The following FAM81A variants were observed in gnomAD, a reference collection of about 807,000 sequenced individuals.
FAM81A encodes the protein family with sequence similarity 81 member A, also known as protein FAM81A.
In FAM81A, 19 loss-of-function variants were observed where a neutral mutation model predicts 46.7. The observed-to-expected ratio is 0.41, with a 90% CI of 0.28 to 0.60. FAM81A has a LOEUF of 0.60. Among genes scored for constraint, FAM81A ranks in the 20% least tolerant of loss-of-function variants. FAM81A has a pLI of 0.34. For synonymous variants in FAM81A, 183 were observed against 152.9 expected (o/e 1.20, Z -1.45); for missense variants, 377 against 453.5 (o/e 0.83, Z 1.53).
At chr15:59,430,209 T>C (rs1245613057) in intron 2 of FAM81A, among the ~76,000 whole-genome samples, 3 of 150,958 alleles carry the variant, frequency 2.0e-5, no homozygotes, top group African/African-American at 7.3e-5. Flanking sequence ...GACAGTGATG[T>C]CACTTCCACC....
upstream of FAM81A, among the ~76,000 whole-genome samples, chr15:59,438,003 T>C (rs890543752): frequency 4.0e-5 from 6 of 150,570 alleles, 1 homozygote; most frequent in South Asian, 6.3e-4. Flanking sequence ...TGGGCGCGGG[T>C]GCGCGGGGAA....
chr15:59,401,431 G>A, intron 1 of FAM81A: 2 of 802,964 alleles, frequency 2.5e-6, no homozygotes, highest in South Asian at 1.3e-5. Flanking sequence ...GGCAAAAGGT[G>A]ACTTTCAGTT....
At chr15:59,503,017 G>T (rs1442223619) in intron 4 of FAM81A, among the ~76,000 whole-genome samples, 1 of 151,884 alleles carries the variant, frequency 6.6e-6, no homozygotes, top group Non-Finnish European at 1.5e-5. Context: ...GAGGTGGGTG[G>T]ATTACCTGAG....
intron 3 of FAM81A, among the ~76,000 whole-genome samples, chr15:59,489,545 A>C (rs1392023743): frequency 6.6e-6 from 1 of 152,094 alleles, no homozygotes; most frequent in African/African-American, 2.4e-5. Context: ...TCACAGAAAT[A>C]GAAAAAAAAA....
intron 4 of FAM81A, among the ~76,000 whole-genome samples, chr15:59,496,230 T>G (rs1254562448): frequency 6.6e-6 from 1 of 152,220 alleles, no homozygotes; most frequent in Non-Finnish European, 1.5e-5. Context: ...ATTATTTTCC[T>G]TGTAGATATC....
At chr15:59,427,742 C>CT (rs2081201467) in intron 2 of FAM81A, among the ~76,000 whole-genome samples, 1 of 152,128 alleles carries the variant, frequency 6.6e-6, no homozygotes, top group Non-Finnish European at 1.5e-5. Context: ...GGATCTCATT[C>CT]TTTTTTATGG....
At chr15:59,473,423 A>C (rs1313392098) in intron 3 of FAM81A, among the ~76,000 whole-genome samples, 1 of 152,170 alleles carries the variant, frequency 6.6e-6, no homozygotes, top group Admixed American at 6.5e-5. Flanking sequence ...AACATAGTAT[A>C]TGTAGGGTTT....
At chr15:59,503,858 C>CCACT (rs1242297618) in intron 4 of FAM81A, among the ~76,000 whole-genome samples, 1 of 152,182 alleles carries the variant, frequency 6.6e-6, no homozygotes, top group Non-Finnish European at 1.5e-5. Context: ...CAGGTGTGAG[C>CCACT]CACTGTGCCC....
intron 4 of FAM81A, among the ~76,000 whole-genome samples, chr15:59,506,154 G>GTTTGT (rs1555433999): frequency 9.2e-5 from 14 of 151,988 alleles, no homozygotes; most frequent in East Asian, 1.9e-4. Context: ...TTTTTTGTTT[G>GTTTGT]TTTGTTTTGT....
chr15:59,501,883 T>C (rs1225638984), intron 4 of FAM81A, among the ~76,000 whole-genome samples: 1 of 152,214 alleles, frequency 6.6e-6, no homozygotes, highest in East Asian at 1.9e-4. Context: ...TTGAGCCATA[T>C]GCGCAGTTAT....
At chr15:59,416,636 A>T (rs1459418436) in intron 2 of FAM81A, among the ~76,000 whole-genome samples, 10 of 152,080 alleles carry the variant, frequency 6.6e-5, no homozygotes, top group Admixed American at 5.2e-4. Flanking sequence ...TTTACTGCTA[A>T]CATCTTGCCG....
intron 1 of FAM81A, among the ~76,000 whole-genome samples, chr15:59,452,134 C>T (rs557966866): frequency 6.6e-5 from 10 of 152,190 alleles, no homozygotes; most frequent in Non-Finnish European, 1.5e-4. Flanking sequence ...CTTCAGATTT[C>T]GTTGTCAAAG....
chr15:59,469,950 G>T (rs2141674408), intron 3 of FAM81A, among the ~76,000 whole-genome samples: 1 of 152,190 alleles, frequency 6.6e-6, no homozygotes. Context: ...GTCTGTAAAG[G>T]ATTTTATTTC....
At position 59,513,062 on chromosome 15, in the gene FAM81A, C is replaced by T. The variant is rs148238284; in HGVS notation, c.651-1227C>T. ...GTGTTCATGTTATCACTATTTAAGT[C>T]ACATGTCTACATCACATACATTCTT... On this transcript the variant is annotated intron_variant, in intron 6 of 8. Coordinates refer to ENST00000288228, the MANE Select transcript of FAM81A (RefSeq NM_152450.3). Among the ~76,000 whole-genome samples, 1,216 of 152,230 alleles carry T rather than the reference C, an allele frequency of 8.0e-3. 15 individuals are homozygous for T. The highest frequency in any genetic ancestry group is 0.027 in the African/African-American group (1,128 of 41,516).
intron 7 of FAM81A, among the ~76,000 whole-genome samples, chr15:59,516,302 G>A (rs1266823985): frequency 6.6e-6 from 1 of 151,902 alleles, no homozygotes; most frequent in Non-Finnish European, 1.5e-5. Flanking sequence ...GCTAATTTTT[G>A]TATTTTTAAT....
chr15:59,517,284 A>G (rs2082277655), intron 8 of FAM81A, among the ~76,000 whole-genome samples: 1 of 152,194 alleles, frequency 6.6e-6, no homozygotes. Flanking sequence ...ACTTGCTTAG[A>G]GGAGAACATT....
chr15:59,515,695 A>G (rs868439714), intron 7 of FAM81A, among the ~76,000 whole-genome samples: 1 of 152,344 alleles, frequency 6.6e-6, no homozygotes, highest in Middle Eastern at 3.4e-3. Flanking sequence ...CCATATTTCC[A>G]TCACATCTAC....
chr15:59,482,627 G>A (rs1296066837), intron 3 of FAM81A, among the ~76,000 whole-genome samples: 2 of 152,194 alleles, frequency 1.3e-5, no homozygotes, highest in Non-Finnish European at 2.9e-5. Context: ...TTGGTTTTCT[G>A]GAGATGGGGT....
intron 2 of FAM81A, among the ~76,000 whole-genome samples, chr15:59,426,282 T>G (rs2081194012): frequency 6.6e-6 from 1 of 151,710 alleles, no homozygotes; most frequent in South Asian, 2.1e-4. Flanking sequence ...TTCTCCTAAC[T>G]CTGGATTAAA....
Sources: allele counts gnomAD v4.1 joint callset (sites outside exome capture counted in the v4.1 genomes callset), GRCh38; gene constraint gnomAD v4.1.1; transcripts MANE v1.5; gene names NCBI Gene and HGNC (gene_info 2026-07-23, HGNC 2026-07-21).